Variants in ARHGAP36 observed in about 807,000 individuals in gnomAD.
ARHGAP36 encodes Rho GTPase activating protein 36.
In ARHGAP36, 7 loss-of-function variants were observed where a neutral mutation model predicts 32.9. The observed-to-expected ratio is 0.21, with a 90% CI of 0.12 to 0.40. ARHGAP36 has a LOEUF of 0.40. Ranked by LOEUF, ARHGAP36 falls within the 10% of genes least tolerant of loss-of-function variation. The probability of loss-of-function intolerance (pLI) is 1.00; values close to 1 mark genes in which losing one functional copy is unlikely to be tolerated. For synonymous variants in ARHGAP36, 165 were observed against 168.3 expected (o/e 0.98, Z 0.15); for missense variants, 383 against 442.2 (o/e 0.87, Z 1.20).
At chrX:131,079,119 T>C (rs1462046540) in intron 1 of ARHGAP36, among the ~76,000 whole-genome samples, 2 of 111,518 alleles carry the variant, frequency 1.8e-5, no homozygotes, top group East Asian at 5.6e-4. Flanking sequence ...GATATCTGGA[T>C]TGGGGAAAGG....
In ARHGAP36 at chrX:131,083,769, G is replaced by A. The variant is rs2079818905; in HGVS notation, c.355G>A (p.Glu119Lys). The change falls in exon 4 of 12, where the codon GAG (glutamate) becomes AAG (lysine). Residue 119 changes from glutamate to lysine, a missense_variant. Transcript: ENST00000276211. The part of the protein sequence containing the change: ...SHKTFGISLE[E>K]VLVNEFTRRK... Reference sequence around the variant, plus strand: ...CAAGACATTTGGCATTAGCCTGGAAGAGGTCCTGGTGAACGAGTTTACCCG... The same window carrying A: ...CAAGACATTTGGCATTAGCCTGGAAAAGGTCCTGGTGAACGAGTTTACCCG... 2.5e-6 allele frequency: 3 copies of A among 1,210,179 alleles called. No individual in the cohort carries two copies. In the Admixed American group the frequency reaches 6.5e-5, roughly 26 times the overall value.
intron 1 of ARHGAP36, among the ~76,000 whole-genome samples, chrX:131,077,764 CATATATATATATATATATATATATAT>C (rs72142237): frequency 4.6e-4 from 40 of 86,876 alleles, no homozygotes; most frequent in Admixed American, 5.0e-4. Context: ...CAAATAAAAT[CATATATATATATATATATATATATAT>C]ATATATATAT....
chrX:131,070,481 C>T (rs2079728049), intron 1 of ARHGAP36, among the ~76,000 whole-genome samples: 1 of 111,752 alleles, frequency 8.9e-6, no homozygotes, highest in East Asian at 2.8e-4. Context: ...TCCCCAGTTC[C>T]ACAACCAAGT....
At chrX:131,063,919 A>C (rs1473152316) in intron 1 of ARHGAP36, among the ~76,000 whole-genome samples, 4 of 111,949 alleles carry the variant, frequency 3.6e-5, no homozygotes, top group Non-Finnish European at 5.6e-5. Context: ...GAACATATGA[A>C]TAAAAGCTAA....
At chrX:131,069,948 G>A (rs1320621694) in intron 1 of ARHGAP36, among the ~76,000 whole-genome samples, 1 of 112,453 alleles carries the variant, frequency 8.9e-6, no homozygotes, top group Non-Finnish European at 1.9e-5. Context: ...CGCTGTGCCA[G>A]ACACACAGTG....
At chrX:131,082,765 C>A (rs2079810435) in intron 2 of ARHGAP36, among the ~76,000 whole-genome samples, 1 of 113,116 alleles carries the variant, frequency 8.8e-6, no homozygotes, top group South Asian at 3.6e-4. Flanking sequence ...CGAGCGCGCC[C>A]GCAGTAACTT....
chrX:131,059,373 C>T (rs2079656913), intron 1 of ARHGAP36, among the ~76,000 whole-genome samples: 1 of 108,159 alleles, frequency 9.2e-6, no homozygotes, highest in African/African-American at 3.4e-5. Flanking sequence ...CCACAGCCAC[C>T]TGTTTTTTCA....
In ARHGAP36 at chrX:131,088,844, G is replaced by A; in HGVS notation, c.*59G>A. 8.7e-7 allele frequency: 1 copy of A among 1,149,705 alleles called. No homozygotes were observed. The highest frequency in any genetic ancestry group is 2.1e-5 in the South Asian group (1 of 48,021). 94.7% of individuals were successfully genotyped at this position (1,149,705 alleles called of 1,213,427 possible). A position where few individuals can be genotyped will look rare whatever the true frequency, so the allele number is the denominator to read the frequency against. ...AAAAGGGTGGGGGTACATCTGGGAT[G>A]TCACAGGAAACATTAAGGAGAGAGT... On this transcript the variant is annotated 3_prime_UTR_variant, in exon 12 of 12. Transcript: ENST00000276211.
chrX:131,059,017 A>G (rs995848852), intron 1 of ARHGAP36, among the ~76,000 whole-genome samples: 2 of 112,085 alleles, frequency 1.8e-5, no homozygotes, highest in Admixed American at 1.9e-4. Flanking sequence ...GGGTCAGCTT[A>G]GGCTCTGCCA....
chrX:131,075,615 G>A (rs866218394), intron 1 of ARHGAP36, among the ~76,000 whole-genome samples: 1 of 40,450 alleles, frequency 2.5e-5, no homozygotes, highest in Non-Finnish European at 4.6e-5. Context: ...ATATATGTGT[G>A]TATATATATG....
In ARHGAP36 at chrX:131,086,037, C is replaced by G. The variant is rs2079833872; in HGVS notation, c.1229C>G (p.Ala410Gly). The G allele has an allele frequency of 5.0e-6, 6 of 1,209,871 alleles. No individual in the cohort carries two copies. The highest frequency in any genetic ancestry group is 6.7e-6 in the Non-Finnish European group (6 of 895,226). Residue 410 changes from alanine (A) to glycine (G), a missense_variant, in exon 9 of 12, where the codon GCT becomes GGT. Around this residue, in one of 2 missense-constraint regions of ARHGAP36, gnomAD observed 227 missense variants for 311.3 expected, o/e 0.73. Coordinates refer to ENST00000276211, the MANE Select transcript of ARHGAP36 (RefSeq NM_144967.4). ...KTKLGIDHYV[A>G]SVNVVRAMID... ...AAGCTGGGGATTGATCACTATGTTG[C>G]TTCTGTCAATGTGGTCCGTGCCATG...
At chrX:131,070,019 C>G (rs1268679110) in intron 1 of ARHGAP36, among the ~76,000 whole-genome samples, 2 of 112,113 alleles carry the variant, frequency 1.8e-5, no homozygotes, top group African/African-American at 6.5e-5. Flanking sequence ...CATTGAGACT[C>G]GAGGGTACAT....
chrX:131,085,680 G>T lies in ARHGAP36; in HGVS notation c.1048G>T (p.Ala350Ser), dbSNP rs2079831556. 8.3e-7 allele frequency: 1 copy of T among 1,209,697 alleles called. No individual in the cohort carries two copies. Among genetic ancestry groups the T allele is most frequent in the Non-Finnish European group, 1.1e-6 (1 of 895,285 alleles). ...TGATACCCTGGAGCGTCTGCTGAAG[G>T]CCCTGCATAAAATCACTGAGAACTG... The part of the protein sequence containing the change: ...HSDTLERLLK[A>S]LHKITENCED... The change falls in exon 8 of 12, where the codon GCC becomes TCC. Residue 350 changes from alanine (A) to serine (S), a missense_variant. Ala to Ser is a moderately conservative substitution (Grantham distance 99). Around this residue, in one of 2 missense-constraint regions of ARHGAP36, gnomAD observed 227 missense variants for 311.3 expected, o/e 0.73. Coordinates refer to ENST00000276211, the MANE Select transcript of ARHGAP36 (RefSeq NM_144967.4).
rs780458857 is a variant in ARHGAP36 at position 131,081,905 on chromosome X, C to G, written c.240C>G (p.Phe80Leu). 2.5e-6 allele frequency: 3 copies of G among 1,211,588 alleles called. No homozygotes were observed. Among genetic ancestry groups the G allele is most frequent in the Non-Finnish European group, 3.4e-6 (3 of 895,508 alleles). ...ELVARHFLSE[F>L]KPDRALPIDR... ...TGGCCAGACATTTCCTCTCCGAATTCAAACCTGACAGAGGTAAGCTGTACC... is the reference window on the plus strand; with the variant it reads ...TGGCCAGACATTTCCTCTCCGAATTGAAACCTGACAGAGGTAAGCTGTACC... The change falls in exon 2 of 12, where the codon TTC (phenylalanine) becomes TTG (leucine). Residue 80 changes from phenylalanine (F) to leucine (L), a missense_variant. By Grantham distance (22) the Phe-to-Leu change is conservative (BLOSUM62 0). This residue lies in a region of ARHGAP36 where 156 missense variants were observed against 131.0 expected (regional missense o/e 1.19). Transcript: ENST00000276211.
chrX:131,087,734 G>A (rs979968987), intron 11 of ARHGAP36, among the ~76,000 whole-genome samples: 8 of 111,726 alleles, frequency 7.2e-5, no homozygotes, highest in Non-Finnish European at 1.5e-4. Context: ...CCCAAACACC[G>A]AAGAAGCCTC....
At chrX:131,061,624 GTGC>G in intron 1 of ARHGAP36, among the ~76,000 whole-genome samples, 1 of 111,691 alleles carries the variant, frequency 9.0e-6, no homozygotes, top group African/African-American at 3.3e-5. Context: ...AGGCCTAGTT[GTGC>G]TGCAGCAGGA....
At chrX:131,086,289 G>T (rs1235476527) in intron 9 of ARHGAP36, 40 bp from the exon 10 acceptor site, 2 of 1,174,258 alleles carry the variant, frequency 1.7e-6, no homozygotes, top group Non-Finnish European at 2.3e-6. Context: ...ATGAAAAGGT[G>T]CTGTGTAATG....
chrX:131,081,811 T>C lies in ARHGAP36; in HGVS notation c.146T>C (p.Met49Thr), dbSNP rs1206047532. 1 of 1,212,068 alleles carries C rather than the reference T, an allele frequency of 8.3e-7. No individual in the cohort carries two copies. The highest frequency in any genetic ancestry group is 1.1e-6 in the Non-Finnish European group (1 of 895,609). ...PGHNPDRRTK[M>T]VSIHSLSELE... ...CACAACCCCGACCGCAGGACGAAGA[T>C]GGTATCGATACACAGCCTCTCTGAG... Residue 49 changes from methionine to threonine, a missense_variant, in exon 2 of 12, where the codon ATG (methionine) becomes ACG (threonine). Physicochemically the swap from Met to Thr is moderately conservative, Grantham distance 81. This residue lies in a region of ARHGAP36 where 156 missense variants were observed against 131.0 expected (regional missense o/e 1.19). Transcript: ENST00000276211.
intron 1 of ARHGAP36, among the ~76,000 whole-genome samples, chrX:131,066,061 G>A (rs1039484326): frequency 9.0e-6 from 1 of 111,634 alleles, no homozygotes; most frequent in African/African-American, 3.3e-5. Flanking sequence ...CCCAAAATGC[G>A]ATGTATTGCT....
Sources: allele counts gnomAD v4.1 joint callset (sites outside exome capture counted in the v4.1 genomes callset), GRCh38; gene constraint gnomAD v4.1.1; regional missense constraint gnomAD v4.1.1; transcripts MANE v1.5; gene names NCBI Gene and HGNC (gene_info 2026-07-23, HGNC 2026-07-21).